LAMC1: variants seen among roughly 807,000 people sequenced by gnomAD.
LAMC1 encodes laminin subunit gamma 1, also known as laminin subunit gamma-1.
A neutral mutation model predicts 173.6 loss-of-function variants in LAMC1; 38 were observed. The ratio of observed to expected loss-of-function variants is 0.22; its 90% CI spans 0.17 to 0.29. The LOEUF (loss-of-function observed/expected upper bound fraction) is 0.29, where lower values mean the gene tolerates loss of function less well. Among genes scored for constraint, LAMC1 ranks in the 10% least tolerant of loss-of-function variants. The probability of loss-of-function intolerance (pLI) is 1.00; values close to 1 mark genes in which losing one functional copy is unlikely to be tolerated. For synonymous variants in LAMC1, 746 were observed against 749.1 expected, an observed-to-expected ratio of 1.00 and a Z score of 0.07; for missense variants, 1,824 against 2,051.8, an observed-to-expected ratio of 0.89 and a Z score of 2.14.
In LAMC1 at chr1:183,121,762, G is replaced by A. The variant is rs777864522; in HGVS notation, c.2030G>A (p.Arg677His). ...GATGATGTCACCCTGGCAAGTGCTC[G>A]TCCTGGGCCTGGAGTCCCTGCAACT... ...YLDDVTLASA[R>H]PGPGVPATWV... Residue 677 changes from arginine (R) to histidine (H), a missense_variant, in exon 12 of 28, where the codon CGT becomes CAT. By Grantham distance (29) the Arg-to-His change is conservative. Coordinates refer to ENST00000258341, the MANE Select transcript of LAMC1 (RefSeq NM_002293.4). The A allele has an allele frequency of 1.9e-5, 31 of 1,614,030 alleles. No individual in the cohort carries two copies. The highest frequency in any genetic ancestry group is 5.0e-5 in the Admixed American group (3 of 60,010).
chr1:183,074,151 A>G (rs1407006844), intron 1 of LAMC1, among the ~76,000 whole-genome samples: 3 of 152,268 alleles, frequency 2.0e-5, no homozygotes, highest in Admixed American at 1.3e-4. Flanking sequence ...TGGAATACAT[A>G]GTAACATTAG....
chr1:183,129,592 A>G (rs918132514), intron 18 of LAMC1, among the ~76,000 whole-genome samples: 3 of 151,686 alleles, frequency 2.0e-5, no homozygotes, highest in African/African-American at 7.3e-5. Flanking sequence ...TTCCTTAGAA[A>G]ATTTAGACCC....
chr1:183,042,863 ATG>A (rs1254170357), intron 1 of LAMC1, among the ~76,000 whole-genome samples: 5 of 152,108 alleles, frequency 3.3e-5, no homozygotes, highest in Non-Finnish European at 5.9e-5. Flanking sequence ...ACTTACACTG[ATG>A]GGCTCTATGT....
rs141641746 is a variant in LAMC1 at position 183,117,339 on chromosome 1, G to A, written c.1584G>A (p.Ala528=). The A allele has an allele frequency of 2.1e-4, 335 of 1,609,846 alleles. 2 individuals are homozygous for A. In the African/African-American group the frequency reaches 2.9e-3, roughly 14 times the overall value. ...TFQIDEDGWR[A]EQRDGSEASL... is the part of the protein sequence containing the mutation. Reference sequence around the variant, plus strand: ...CTGCAGATGAGGATGGGTGGCGTGCGGAACAGAGAGATGGCTCTGAAGCAT... The same window carrying A: ...CTGCAGATGAGGATGGGTGGCGTGCAGAACAGAGAGATGGCTCTGAAGCAT... The change falls in exon 9 of 28, where the codon GCG becomes GCA. Residue 528 remains alanine (A), a synonymous_variant. Coordinates refer to ENST00000258341, the MANE Select transcript of LAMC1 (RefSeq NM_002293.4).
At position 183,023,761 on chromosome 1, in the gene LAMC1, G is replaced by T; in HGVS notation, c.45G>T (p.Gly15=). The part of the protein sequence containing the change: ...HRAAPALRPR[G]RLWPVLAVLA... ...CCGCGCCGGCCCTGCGGCCCCGGGG[G>T]CGGCTCTGGCCCGTGCTGGCCGTGC... Residue 15 remains glycine, a synonymous_variant, in exon 1 of 28, where the codon GGG becomes GGT. Coordinates refer to ENST00000258341, the MANE Select transcript of LAMC1 (RefSeq NM_002293.4). 1 of 1,228,364 alleles carries T rather than the reference G, an allele frequency of 8.1e-7. No individual in the cohort carries two copies. 76.1% of individuals were successfully genotyped at this position (1,228,364 alleles called of 1,614,324 possible).
intron 1 of LAMC1, among the ~76,000 whole-genome samples, chr1:183,035,502 T>C (rs759160250): frequency 1.3e-5 from 2 of 152,214 alleles, no homozygotes; most frequent in Non-Finnish European, 2.9e-5. Flanking sequence ...TTGTTTTCAG[T>C]GGAAGAATTT....
intron 1 of LAMC1, among the ~76,000 whole-genome samples, chr1:183,073,396 G>A (rs12120747): frequency 0.33 from 50,788 of 152,060 alleles, 9,656 homozygotes; most frequent in East Asian, 0.49. Context: ...AAAGGTTTTG[G>A]CAGGCTTATG....
At chr1:183,069,194 A>G (rs1654948744) in intron 1 of LAMC1, among the ~76,000 whole-genome samples, 1 of 152,316 alleles carries the variant, frequency 6.6e-6, no homozygotes, top group South Asian at 2.1e-4. Context: ...GTCCATTTAT[A>G]TGGCATATAA....
At chr1:183,122,955 C>T (rs1656519606) in intron 13 of LAMC1, among the ~76,000 whole-genome samples, 1 of 152,190 alleles carries the variant, frequency 6.6e-6, no homozygotes, top group Non-Finnish European at 1.5e-5. Flanking sequence ...AAGTGCTGCA[C>T]TCTTCTCGCA....
intron 1 of LAMC1, among the ~76,000 whole-genome samples, chr1:183,087,410 T>C (rs766148077): frequency 3.3e-5 from 5 of 152,200 alleles, no homozygotes; most frequent in Non-Finnish European, 5.9e-5. Flanking sequence ...TACGTTCTTA[T>C]GTGTGTATGT....
intron 1 of LAMC1, among the ~76,000 whole-genome samples, chr1:183,033,888 C>T (rs1472613364): frequency 6.6e-6 from 1 of 151,836 alleles, no homozygotes; most frequent in Non-Finnish European, 1.5e-5. Flanking sequence ...TAGTAGAGAT[C>T]GGGTTTCACC....
At chr1:183,121,178 G>A (rs1223015688) in intron 11 of LAMC1, among the ~76,000 whole-genome samples, 1 of 152,140 alleles carries the variant, frequency 6.6e-6, no homozygotes, top group Non-Finnish European at 1.5e-5. Flanking sequence ...CAGCACTTTG[G>A]GAGGCCAAGG....
In LAMC1 at chr1:183,102,836, G is replaced by A. The variant is rs186935169; in HGVS notation, c.419-492G>A. 7.4e-4 allele frequency among the ~76,000 whole-genome samples: 112 copies of A among 152,194 alleles called. 1 individual carries two copies. The highest frequency in any genetic ancestry group is 2.4e-3 in the African/African-American group (100 of 41,514). Reference sequence around the variant, plus strand: ...GTCTGTATCTTAACTTGGTAGATAAGTAGAAGAATAGAGCTGATGATATTC... The same window carrying A: ...GTCTGTATCTTAACTTGGTAGATAAATAGAAGAATAGAGCTGATGATATTC... On this transcript the variant is annotated intron_variant, in intron 1 of 27. Transcript: ENST00000258341.
chr1:183,095,701 A>G (rs1457395836), intron 1 of LAMC1, among the ~76,000 whole-genome samples: 1 of 152,178 alleles, frequency 6.6e-6, no homozygotes, highest in Non-Finnish European at 1.5e-5. Flanking sequence ...GGACTTATTC[A>G]TGCCTGTAGT....
chr1:183,081,062 T>A (rs951927584), intron 1 of LAMC1, among the ~76,000 whole-genome samples: 3 of 151,780 alleles, frequency 2.0e-5, no homozygotes, highest in African/African-American at 7.3e-5. Flanking sequence ...CTAATTTTTA[T>A]ATTCTTAGTA....
At chr1:183,133,641 C>T in intron 22 of LAMC1, 91 bp downstream of exon 22, 2 of 1,224,450 alleles carry the variant, frequency 1.6e-6, no homozygotes, top group Non-Finnish European at 2.2e-6. Context: ...TCTGTCCTCC[C>T]ACTGACTCGC....
At chr1:183,102,666 A>G (rs561399457) in intron 1 of LAMC1, among the ~76,000 whole-genome samples, 2 of 152,330 alleles carry the variant, frequency 1.3e-5, no homozygotes, top group South Asian at 4.1e-4. Flanking sequence ...TCTTTTGAAC[A>G]TATTGAAACA....
chr1:183,107,217 G>A (rs1471169489), intron 2 of LAMC1, among the ~76,000 whole-genome samples: 1 of 152,140 alleles, frequency 6.6e-6, no homozygotes, highest in Non-Finnish European at 1.5e-5. Flanking sequence ...GCATGCTAGG[G>A]AAATGGCAGT....
At chr1:183,126,306 C>T (rs539760697) in intron 16 of LAMC1, 44 bp downstream of exon 16, 2 of 1,595,838 alleles carry the variant, frequency 1.3e-6, no homozygotes, top group African/African-American at 1.3e-5. Context: ...TCCACTAATT[C>T]CAGTTAGTGT....
Sources: gnomAD v4.1 joint callset for allele counts (sites outside exome capture counted in the v4.1 genomes callset) on GRCh38, gnomAD v4.1.1 for gene constraint, MANE v1.5 for transcripts, NCBI Gene and HGNC (gene_info 2026-07-23, HGNC 2026-07-21) for gene names.